RPSA2: variants seen among roughly 807,000 people sequenced by gnomAD.
The protein encoded by RPSA2 is small ribosomal subunit protein uS2B.
At chr19:23,829,036 T>C in the RPSA2 span, among the ~76,000 whole-genome samples, 1 of 152,044 alleles carries the variant, frequency 6.6e-6, no homozygotes, top group African/African-American at 2.4e-5. Flanking sequence ...TTCTTTGGAG[T>C]TTCAATTTCA....
At chr19:23,856,771 C>T in the RPSA2 span, among the ~76,000 whole-genome samples, 57 of 152,178 alleles carry the variant, frequency 3.7e-4, no homozygotes, top group Non-Finnish European at 7.4e-4. Context: ...ACCATGATGC[C>T]CACCTGAGCC....
At chr19:23,780,218 C>CT in the RPSA2 span, among the ~76,000 whole-genome samples, 2 of 152,162 alleles carry the variant, frequency 1.3e-5, no homozygotes, top group African/African-American at 4.8e-5. Flanking sequence ...AGCATGTCAT[C>CT]ATAGGACCCA....
the RPSA2 span, among the ~76,000 whole-genome samples, chr19:23,863,916 A>G: frequency 6.6e-6 from 1 of 152,240 alleles, no homozygotes; most frequent in African/African-American, 2.4e-5. Context: ...AGAATAACAG[A>G]GGCACAAAGC....
the RPSA2 span, among the ~76,000 whole-genome samples, chr19:23,863,258 G>A: frequency 6.6e-6 from 1 of 152,108 alleles, no homozygotes; most frequent in Non-Finnish European, 1.5e-5. Flanking sequence ...AAACTTAGAA[G>A]AGTATTTAAA....
At chr19:23,795,816 C>A in the RPSA2 span, among the ~76,000 whole-genome samples, 1 of 152,188 alleles carries the variant, frequency 6.6e-6, no homozygotes, top group African/African-American at 2.4e-5. Context: ...CCCTTTGTCT[C>A]CCAGGCTGGA....
At chr19:23,867,687 G>A in the RPSA2 span, among the ~76,000 whole-genome samples, 148,818 of 152,148 alleles carry the variant, frequency 0.98, 72,873 homozygotes, top group Middle Eastern at 1. Flanking sequence ...AAAATTAGCC[G>A]GGCGTGGTGG....
chr19:23,799,643 G>A, the RPSA2 span, among the ~76,000 whole-genome samples: 307 of 29,878 alleles, frequency 0.01, 38 homozygotes, highest in African/African-American at 0.027. Flanking sequence ...GGAAGCCGGA[G>A]TACTGTAACC....
chr19:23,859,639 AT>A, the RPSA2 span, among the ~76,000 whole-genome samples: 2 of 146,302 alleles, frequency 1.4e-5, no homozygotes, highest in Non-Finnish European at 3.0e-5. Flanking sequence ...AAAAAAAAAA[AT>A]TGAATTGCTT....
At chr19:23,868,410 C>T in the RPSA2 span, among the ~76,000 whole-genome samples, 1 of 152,158 alleles carries the variant, frequency 6.6e-6, no homozygotes, top group Non-Finnish European at 1.5e-5. Flanking sequence ...ACTAGTCATG[C>T]TTTTCAAACT....
At chr19:23,830,866 A>G in the RPSA2 span, among the ~76,000 whole-genome samples, 2 of 152,098 alleles carry the variant, frequency 1.3e-5, no homozygotes, top group Non-Finnish European at 2.9e-5. Flanking sequence ...TTTGGACATT[A>G]AAAAAAGCTA....
chr19:23,843,399 TG>T, the RPSA2 span, among the ~76,000 whole-genome samples: 1 of 152,252 alleles, frequency 6.6e-6, no homozygotes, highest in Non-Finnish European at 1.5e-5. Flanking sequence ...AAAGCCATTT[TG>T]TTTTTTTCCC....
the RPSA2 span, chr19:23,843,246 A>G: frequency 8.1e-6 from 2 of 246,868 alleles, no homozygotes; most frequent in Non-Finnish European, 1.7e-5. Flanking sequence ...TGGTATGTAA[A>G]GAGACATGAG....
chr19:23,827,038 T>C, the RPSA2 span: 1 of 680,984 alleles, frequency 1.5e-6, no homozygotes. Context: ...TATTGAAAGA[T>C]ATTTGCATTG....
the RPSA2 span, among the ~76,000 whole-genome samples, chr19:23,835,468 G>A: frequency 2.0e-5 from 3 of 152,122 alleles, no homozygotes; most frequent in South Asian, 2.1e-4. Context: ...AATGGTGAAA[G>A]CAAATCTATG....
chr19:23,830,204 G>A, the RPSA2 span, among the ~76,000 whole-genome samples: 1 of 152,140 alleles, frequency 6.6e-6, no homozygotes, highest in African/African-American at 2.4e-5. Context: ...GAGCATAGTG[G>A]TATGACTTCA....
the RPSA2 span, among the ~76,000 whole-genome samples, chr19:23,842,007 G>C: frequency 6.6e-6 from 1 of 151,980 alleles, no homozygotes; most frequent in East Asian, 1.9e-4. Context: ...ATATACACTG[G>C]GATAAAACCC....
At chr19:23,832,003 T>A in the RPSA2 span, 1 of 411,556 alleles carries the variant, frequency 2.4e-6, no homozygotes, top group South Asian at 2.2e-5. Context: ...CTTTAATTGG[T>A]CCTCAATCCT....
At chr19:23,766,479 T>C in the RPSA2 span, among the ~76,000 whole-genome samples, 31 of 143,882 alleles carry the variant, frequency 2.2e-4, no homozygotes, top group African/African-American at 7.3e-4. Context: ...TGAGACAGAG[T>C]CTTGCTCTGT....
At chr19:23,761,922 T>TCCTTCCTTCCTTCCTTCCTTCCC in the RPSA2 span, among the ~76,000 whole-genome samples, 1 of 99,028 alleles carries the variant, frequency 1.0e-5, no homozygotes, top group African/African-American at 4.1e-5. Flanking sequence ...CTTTCTTTCT[T>TCCTTCCTTCCTTCCTTCCTTCCC]TTTTTTTTTT....
Sources: allele counts gnomAD v4.1 joint callset (sites outside exome capture counted in the v4.1 genomes callset), GRCh38; gene constraint gnomAD v4.1.1; transcripts MANE v1.5; gene names NCBI Gene and HGNC (gene_info 2026-07-23, HGNC 2026-07-21).